PITPNM2: variants seen among roughly 807,000 people sequenced by gnomAD.
PITPNM2 encodes membrane-associated phosphatidylinositol transfer protein 2.
PITPNM2 carries 35 observed loss-of-function variants against 132.2 expected under a neutral mutation model. The observed-to-expected ratio is 0.26, with a 90% CI of 0.20 to 0.35. The LOEUF is 0.35. Among genes scored for constraint, PITPNM2 ranks in the 10% least tolerant of loss-of-function variants. The probability of loss-of-function intolerance (pLI) is 1.00; values close to 1 mark genes in which losing one functional copy is unlikely to be tolerated. For missense variants in PITPNM2, 1,332 were observed against 1,912.0 expected, an observed-to-expected ratio of 0.70 and a Z score of 5.66; for synonymous variants, 738 against 799.2, an observed-to-expected ratio of 0.92 and a Z score of 1.29.
chr12:123,012,895 C>T (rs573909572), intron 4 of PITPNM2, among the ~76,000 whole-genome samples, 161 bp from the exon 5 acceptor site: 1 of 152,250 alleles, frequency 6.6e-6, no homozygotes, highest in South Asian at 2.1e-4. Context: ...CCTCTTGGAT[C>T]GCCACTTTGT....
intron 8 of PITPNM2, 62 bp from the exon 9 acceptor site, chr12:123,001,220 A>C: frequency 7.5e-7 from 1 of 1,335,316 alleles, no homozygotes; most frequent in South Asian, 1.2e-5. Flanking sequence ...TGGCTTCCCG[A>C]GGTGGGGACG....
At position 122,986,158 on chromosome 12, in the gene PITPNM2, G is replaced by A. The variant is rs536435462; in HGVS notation, c.3919C>T (p.Arg1307Trp). ...GCCTGGCTCTGTGTCCGCTCGTGCCGGTGGCTGGGCCCGCTGGGCTGGGCC... is the reference window on the plus strand; with the variant it reads ...GCCTGGCTCTGTGTCCGCTCGTGCCAGTGGCTGGGCCCGCTGGGCTGGGCC... ...ISAQPSGPSH[R>W]HERTQSQADG... The change falls in exon 26 of 26, where the codon CGG becomes TGG. Residue 1307 changes from arginine to tryptophan, a missense_variant. This residue lies in a region of PITPNM2 where 163 missense variants were observed against 177.2 expected (regional missense o/e 0.92). Transcript: ENST00000320201. 90 of 1,534,046 alleles carry A rather than the reference G, an allele frequency of 5.9e-5. 1 individual carries two copies. In the South Asian group the frequency reaches 8.0e-4, roughly 14 times the overall value.
intron 2 of PITPNM2, among the ~76,000 whole-genome samples, chr12:123,061,746 C>G (rs2041241057): frequency 6.6e-6 from 1 of 152,222 alleles, no homozygotes; most frequent in Admixed American, 6.5e-5. Context: ...TCCAAGGGAG[C>G]TTCTGAAGGT....
intron 3 of PITPNM2, among the ~76,000 whole-genome samples, chr12:123,020,368 G>A (rs571910690): frequency 1.3e-4 from 20 of 152,120 alleles, no homozygotes; most frequent in African/African-American, 4.1e-4. Flanking sequence ...TGATCTGCCC[G>A]CCTCCGCCTC....
At chr12:123,014,888 C>T (rs1038466995) in intron 3 of PITPNM2, among the ~76,000 whole-genome samples, 16 of 152,130 alleles carry the variant, frequency 1.1e-4, no homozygotes, top group Non-Finnish European at 2.4e-4. Flanking sequence ...TACAAAATGA[C>T]ACATAGAAAT....
At chr12:123,118,349 A>G (rs1459708132) in intron 1 of PITPNM2, among the ~76,000 whole-genome samples, 2 of 152,068 alleles carry the variant, frequency 1.3e-5, no homozygotes, top group Non-Finnish European at 2.9e-5. Flanking sequence ...GCTTCCAAAA[A>G]CCTTACAACA....
intron 3 of PITPNM2, among the ~76,000 whole-genome samples, chr12:123,014,522 G>A (rs2039346584): frequency 6.6e-6 from 1 of 152,198 alleles, no homozygotes; most frequent in African/African-American, 2.4e-5. Context: ...TGGGCAACAT[G>A]GTGAAACCTT....
chr12:123,060,353 CA>C (rs773822241), intron 2 of PITPNM2, among the ~76,000 whole-genome samples: 5 of 152,218 alleles, frequency 3.3e-5, no homozygotes, highest in Non-Finnish European at 5.9e-5. Flanking sequence ...GTCTGGGTGC[CA>C]TCACCTGGGT....
At chr12:123,032,392 G>A (rs1029868091) in intron 3 of PITPNM2, among the ~76,000 whole-genome samples, 2 of 152,158 alleles carry the variant, frequency 1.3e-5, no homozygotes, top group Non-Finnish European at 2.9e-5. Flanking sequence ...CATGAGAATC[G>A]CTTGAACCCA....
chr12:123,137,023 T>C (rs778760192), intron 1 of PITPNM2, among the ~76,000 whole-genome samples: 1 of 152,234 alleles, frequency 6.6e-6, no homozygotes, highest in Admixed American at 6.5e-5. Flanking sequence ...CACTTGCTCA[T>C]GGAGCACTTC....
chr12:123,085,972 A>G (rs73413210), intron 2 of PITPNM2, among the ~76,000 whole-genome samples: 54 of 152,344 alleles, frequency 3.5e-4, no homozygotes, highest in African/African-American at 1.2e-3. Flanking sequence ...GGGGCTGAGA[A>G]GTCTCTGTGG....
rs935749302 is a variant in PITPNM2 at position 123,021,760 on chromosome 12, T to C, written c.79-7718A>G. 8.3e-5 allele frequency: 78 copies of C among 944,762 alleles called. No homozygotes were observed. The African/African-American group carries it at 1.3e-3, about 16-fold the overall frequency. 58.5% of individuals were successfully genotyped at this position (944,762 alleles called of 1,614,324 possible). On this transcript the variant is annotated intron_variant, in intron 3 of 25. Coordinates refer to ENST00000320201, the MANE Select transcript of PITPNM2 (RefSeq NM_020845.3). ...CGGGCTTAGAGCATAGTTTCTGTGG[T>C]TCAAATGTCTGGGTACAAACCCTCC...
intron 18 of PITPNM2, among the ~76,000 whole-genome samples, chr12:122,989,446 C>T (rs1252638410): frequency 1.3e-5 from 2 of 152,114 alleles, no homozygotes; most frequent in East Asian, 1.9e-4. Flanking sequence ...CCTTCCTGAA[C>T]AAGACAAGCT....
At position 122,993,297 on chromosome 12, in the gene PITPNM2, G is replaced by A. The variant is rs1294757996; in HGVS notation, c.2234-628C>T. Among the ~76,000 whole-genome samples, 1 of 152,144 alleles carries A rather than the reference G, an allele frequency of 6.6e-6. No individual in the cohort carries two copies. The highest frequency in any genetic ancestry group is 1.5e-5 in the Non-Finnish European group (1 of 68,020). On this transcript the variant is annotated intron_variant, in intron 15 of 25. Coordinates refer to ENST00000320201, the MANE Select transcript of PITPNM2 (RefSeq NM_020845.3). The surrounding 1 kb of genome is among the most constrained non-coding windows in gnomAD (Gnocchi z 5.2). ...ACCGAGTGCTGGCTAGGGCAGCCCT[G>A]CCCTGCCTGTATCGGAAAATGTTTC...
chr12:123,109,668 C>A (rs929846892), intron 2 of PITPNM2, among the ~76,000 whole-genome samples: 4 of 152,172 alleles, frequency 2.6e-5, no homozygotes, highest in African/African-American at 7.2e-5. Flanking sequence ...CCAGCCAAGG[C>A]ACAGAAGAAG....
intron 1 of PITPNM2, among the ~76,000 whole-genome samples, chr12:123,130,767 G>A (rs758583785): frequency 2.0e-5 from 3 of 152,086 alleles, no homozygotes; most frequent in African/African-American, 4.8e-5. Flanking sequence ...GTGACAGAGC[G>A]AGACTCCATC....
chr12:123,052,893 T>G (rs1377502842), intron 2 of PITPNM2, among the ~76,000 whole-genome samples: 4 of 151,918 alleles, frequency 2.6e-5, no homozygotes, highest in Admixed American at 2.6e-4. Flanking sequence ...AACATTTATT[T>G]TTATATTATT....
intron 1 of PITPNM2, among the ~76,000 whole-genome samples, chr12:123,114,924 A>G (rs931163842): frequency 1.3e-5 from 2 of 152,208 alleles, no homozygotes; most frequent in South Asian, 4.1e-4. Context: ...TCCCAGGCAC[A>G]GTTACGGTGT....
At chr12:123,042,370 G>A (rs1194400294) in intron 2 of PITPNM2, among the ~76,000 whole-genome samples, 1 of 152,228 alleles carries the variant, frequency 6.6e-6, no homozygotes, top group Admixed American at 6.5e-5. Flanking sequence ...GAGGCCATGA[G>A]ACACCCTGAC....
Sources: allele counts gnomAD v4.1 joint callset (sites outside exome capture counted in the v4.1 genomes callset), GRCh38; gene constraint gnomAD v4.1.1; regional missense constraint gnomAD v4.1.1; non-coding constraint Gnocchi (gnomAD v3.1); transcripts MANE v1.5; gene names NCBI Gene and HGNC (gene_info 2026-07-23, HGNC 2026-07-21).